UNC13C: variants seen among roughly 807,000 people sequenced by gnomAD.
UNC13C encodes protein unc-13 homolog C.
In UNC13C, 174 loss-of-function variants were observed where a neutral mutation model predicts 245.4. The ratio of observed to expected loss-of-function variants is 0.71; its 90% CI spans 0.63 to 0.80. UNC13C has a LOEUF of 0.80. UNC13C is among the 30% of genes least tolerant of loss of function. The pLI is 0.00. For synonymous variants in UNC13C, 992 were observed against 895.1 expected (o/e 1.11, Z -1.93); for missense variants, 2,829 against 2,602.9 (o/e 1.09, Z -1.89).
At chr15:54,288,554 C>T (rs2037209406) in intron 10 of UNC13C, among the ~76,000 whole-genome samples, 2 of 151,704 alleles carry the variant, frequency 1.3e-5, no homozygotes, top group African/African-American at 4.8e-5. Context: ...TTAAGCACAG[C>T]TGTAGCCAGC....
At chr15:54,043,266 A>G (rs1896890885) in intron 2 of UNC13C, among the ~76,000 whole-genome samples, 1 of 152,252 alleles carries the variant, frequency 6.6e-6, no homozygotes, top group African/African-American at 2.4e-5. Flanking sequence ...TCAGGAGATC[A>G]CTATGCAACA....
At chr15:54,610,263 T>C (rs1900012252) in intron 30 of UNC13C, among the ~76,000 whole-genome samples, 1 of 151,902 alleles carries the variant, frequency 6.6e-6, no homozygotes, top group Non-Finnish European at 1.5e-5. Context: ...TGAGATGGAG[T>C]CTTGCTCTGT....
the UNC13C span, among the ~76,000 whole-genome samples, chr15:53,955,617 A>G: frequency 6.6e-6 from 1 of 152,200 alleles, no homozygotes; most frequent in Non-Finnish European, 1.5e-5. Flanking sequence ...CAGAAATTTG[A>G]GGCAGTGATA....
At chr15:54,114,935 G>A (rs1330484679) in intron 2 of UNC13C, among the ~76,000 whole-genome samples, 4 of 152,030 alleles carry the variant, frequency 2.6e-5, no homozygotes, top group Non-Finnish European at 5.9e-5. Context: ...GAAGATTTGA[G>A]CATCTTTTCC....
intron 26 of UNC13C, among the ~76,000 whole-genome samples, chr15:54,538,914 G>A (rs1462232986): frequency 6.6e-6 from 1 of 151,882 alleles, no homozygotes; most frequent in African/African-American, 2.4e-5. Flanking sequence ...TTACCTGGGT[G>A]ACAAAATAAT....
chr15:54,494,187 C>CAATT (rs1339660593), intron 19 of UNC13C, among the ~76,000 whole-genome samples: 1 of 152,124 alleles, frequency 6.6e-6, no homozygotes, highest in Non-Finnish European at 1.5e-5. Flanking sequence ...ACATACGTAA[C>CAATT]AAACCTGCAC....
chr15:54,108,747 G>A (rs1234492555), intron 2 of UNC13C, among the ~76,000 whole-genome samples: 1 of 152,104 alleles, frequency 6.6e-6, no homozygotes, highest in Non-Finnish European at 1.5e-5. Context: ...TACTTTGTTT[G>A]GAAAATAGGG....
intron 16 of UNC13C, among the ~76,000 whole-genome samples, chr15:54,335,867 G>A (rs1327066287): frequency 1.3e-5 from 2 of 152,092 alleles, no homozygotes; most frequent in African/African-American, 4.8e-5. Context: ...ATGTTCCTTG[G>A]GTTAAATCCT....
At chr15:54,439,831 A>G (rs933831273) in intron 19 of UNC13C, among the ~76,000 whole-genome samples, 3 of 151,964 alleles carry the variant, frequency 2.0e-5, no homozygotes, top group Non-Finnish European at 4.4e-5. Context: ...GACATACACA[A>G]TATATTATTG....
intron 19 of UNC13C, among the ~76,000 whole-genome samples, chr15:54,452,564 G>A (rs1362137308): frequency 6.6e-6 from 1 of 152,198 alleles, no homozygotes; most frequent in African/African-American, 2.4e-5. Flanking sequence ...AAGATTCCTG[G>A]ACAGCATGCT....
At chr15:54,396,338 A>G (rs1221436465) in intron 18 of UNC13C, among the ~76,000 whole-genome samples, 1 of 151,658 alleles carries the variant, frequency 6.6e-6, no homozygotes, top group Admixed American at 6.6e-5. Context: ...TTATGTGTAA[A>G]TGTAATCATA....
chr15:54,408,470 G>T (rs1460577028), intron 18 of UNC13C, among the ~76,000 whole-genome samples: 3 of 151,952 alleles, frequency 2.0e-5, no homozygotes, highest in Non-Finnish European at 4.4e-5. Context: ...CTGAATAGGG[G>T]TTTTGTGAGA....
At chr15:53,850,918 T>C in the UNC13C span, among the ~76,000 whole-genome samples, 2 of 152,004 alleles carry the variant, frequency 1.3e-5, no homozygotes, top group South Asian at 2.1e-4. Context: ...GTGCTATTAC[T>C]ATGCCTTCCA....
intron 2 of UNC13C, among the ~76,000 whole-genome samples, chr15:54,035,924 G>GT (rs1158343977): frequency 6.6e-6 from 1 of 151,998 alleles, no homozygotes; most frequent in Non-Finnish European, 1.5e-5. Flanking sequence ...TGAAGATATG[G>GT]TCATACATTT....
chr15:53,957,660 G>T, the UNC13C span, among the ~76,000 whole-genome samples: 36,985 of 152,080 alleles, frequency 0.24, 4,531 homozygotes, highest in South Asian at 0.32. Context: ...AAATTCTGAG[G>T]AGATTGATAT....
the UNC13C span, among the ~76,000 whole-genome samples, chr15:53,932,178 A>T: frequency 1.0e-3 from 155 of 152,094 alleles, no homozygotes; most frequent in African/African-American, 3.7e-3. Context: ...GCGTGGTGGC[A>T]CGTGCCTGTA....
chr15:54,027,573 G>A (rs573841784), intron 2 of UNC13C, among the ~76,000 whole-genome samples: 4 of 152,180 alleles, frequency 2.6e-5, no homozygotes, highest in Admixed American at 6.5e-5. Context: ...GTTTTATCAT[G>A]TTGGCCAGGC....
chr15:53,867,382 G>A, the UNC13C span, among the ~76,000 whole-genome samples: 1 of 152,172 alleles, frequency 6.6e-6, no homozygotes, highest in Admixed American at 6.5e-5. Context: ...TGATTTTGAT[G>A]AAATTGCTTC....
the UNC13C span, among the ~76,000 whole-genome samples, chr15:53,877,095 G>A: frequency 6.6e-6 from 1 of 152,192 alleles, no homozygotes; most frequent in Non-Finnish European, 1.5e-5. Context: ...AAGTCCTAGA[G>A]ATTCTGAAAG....
Sources: allele counts gnomAD v4.1 joint callset (sites outside exome capture counted in the v4.1 genomes callset), GRCh38; gene constraint gnomAD v4.1.1; transcripts MANE v1.5; gene names NCBI Gene and HGNC (gene_info 2026-07-23, HGNC 2026-07-21).